The following LPCAT3 variants were observed in gnomAD, a reference collection of about 807,000 sequenced individuals.
LPCAT3 encodes lysophospholipid acyltransferase 5.
Under a neutral mutation model 63.4 loss-of-function variants are expected in LPCAT3, and 21 were observed. The ratio of observed to expected loss-of-function variants is 0.33; its 90% CI spans 0.23 to 0.48. The LOEUF (loss-of-function observed/expected upper bound fraction) is 0.48, where lower values mean the gene tolerates loss of function less well. LPCAT3 is among the 20% of genes least tolerant of loss of function. The probability of loss-of-function intolerance (pLI) is 0.99; values close to 1 mark genes in which losing one functional copy is unlikely to be tolerated. For missense variants in LPCAT3, 451 were observed against 590.6 expected (o/e 0.76, Z 2.45); for synonymous variants, 242 against 227.5 (o/e 1.06, Z -0.58).
chr12:7,001,575 CTG>C (rs1262686399), intron 1 of LPCAT3: 5 of 451,282 alleles, frequency 1.1e-5, no homozygotes, highest in Non-Finnish European at 2.2e-5. Context: ...AGGATCCTGG[CTG>C]TGAGGCTGAG....
At chr12:6,986,885 G>A (rs1259214810) in intron 1 of LPCAT3, among the ~76,000 whole-genome samples, 1 of 151,936 alleles carries the variant, frequency 6.6e-6, no homozygotes, top group Non-Finnish European at 1.5e-5. Context: ...AGGCTTAGGC[G>A]GGTGGGTCGC....
At position 6,977,863 on chromosome 12, in the gene LPCAT3, G is replaced by T. The variant is rs1368766463; in HGVS notation, c.1041-118C>A. On this transcript the variant is annotated intron_variant, in intron 9 of 12. Transcript: ENST00000261407. The surrounding 1 kb of genome is among the most constrained non-coding windows in gnomAD (Gnocchi z 4.5). ...GAGTGCTGGTGGGTTCCCACGTGTAGCCCCCAGAGGGTACAGGAGGCAGTG... is the reference window on the plus strand; with the variant it reads ...GAGTGCTGGTGGGTTCCCACGTGTATCCCCCAGAGGGTACAGGAGGCAGTG... 1.7e-6 allele frequency: 2 copies of T among 1,187,866 alleles called. No homozygotes were observed. The highest frequency in any genetic ancestry group is 1.4e-5 in the South Asian group (1 of 73,514). 73.6% of individuals were successfully genotyped at this position (1,187,866 alleles called of 1,614,324 possible).
rs782698373 is a variant in LPCAT3, at chr12:6,977,979, G to A, written c.1041-234C>T. The A allele has an allele frequency of 5.2e-6, 3 of 576,516 alleles. No homozygotes were observed. The highest frequency in any genetic ancestry group is 4.0e-5 in the South Asian group (2 of 49,938). The allele number at this position is 576,516 out of a possible 1,614,324, so 35.7% of individuals were successfully genotyped here. On this transcript the variant is annotated intron_variant, in intron 9 of 12. Coordinates refer to ENST00000261407, the MANE Select transcript of LPCAT3 (RefSeq NM_005768.6). This position sits in a 1 kb window ranked among gnomAD's most constrained non-coding sequence, Gnocchi z 4.5. ...GCCACTTGGTTCAGCAGCAGTGACTGAGGCTGATGCTGAGATCAGTGGTGA... is the reference window on the plus strand; with the variant it reads ...GCCACTTGGTTCAGCAGCAGTGACTAAGGCTGATGCTGAGATCAGTGGTGA...
chr12:7,018,181 G>A lies in LPCAT3; in HGVS notation c.151+93C>T. On this transcript the variant is annotated intron_variant, in intron 1 of 12. Coordinates refer to ENST00000261407, the MANE Select transcript of LPCAT3 (RefSeq NM_005768.6). This position sits in a 1 kb window ranked among gnomAD's most constrained non-coding sequence, Gnocchi z 4.9. ...CCCGCACCCGGCACAGCCCTCCCGGGTGGCTCCGGGAAGAGAGGGAGGTCC... is the reference window on the plus strand; with the variant it reads ...CCCGCACCCGGCACAGCCCTCCCGGATGGCTCCGGGAAGAGAGGGAGGTCC... The A allele has an allele frequency of 6.9e-7, 1 of 1,449,712 alleles. No individual in the cohort carries two copies. The highest frequency in any genetic ancestry group is 2.0e-5 in the Admixed American group (1 of 50,076). The allele number at this position is 1,449,712 out of a possible 1,614,324, so 89.8% of individuals were successfully genotyped here.
chr12:6,978,293 A>G (rs1591711291), intron 9 of LPCAT3, 48 bp downstream of exon 9: 5 of 1,564,624 alleles, frequency 3.2e-6, no homozygotes, highest in Non-Finnish European at 4.3e-6. Context: ...ATCTGGGAAG[A>G]CAGTGGAAGG....
chr12:7,003,811 A>G (rs58740942), intron 1 of LPCAT3, among the ~76,000 whole-genome samples: 9,915 of 151,066 alleles, frequency 0.066, 414 homozygotes, highest in African/African-American at 0.095. Flanking sequence ...AGTCCCAGCT[A>G]CTTGGGAGGC....
At position 7,000,873 on chromosome 12, in the gene LPCAT3, A is replaced by AT. The variant is rs797037186; in HGVS notation, c.152-17335dup. On this transcript the variant is annotated intron_variant, in intron 1 of 12. Transcript: ENST00000261407. Reference sequence around the variant, plus strand: ...AGGTGCCCGCCACCACGCCTGGCTAATTTTTTTGTATTTTTAGTGGAGACG... The same window carrying AT: ...AGGTGCCCGCCACCACGCCTGGCTAATTTTTTTTGTATTTTTAGTGGAGACG... Among the ~76,000 whole-genome samples, 7 of 151,580 alleles carry AT rather than the reference A, an allele frequency of 4.6e-5. No individual in the cohort carries two copies. In the East Asian group the frequency reaches 7.9e-4, roughly 17 times the overall value.
At chr12:6,978,131 C>T (rs1946430072) in intron 9 of LPCAT3, 3 of 607,794 alleles carry the variant, frequency 4.9e-6, no homozygotes, top group Non-Finnish European at 8.4e-6. Context: ...GGTCTTAACG[C>T]ACTTTTATAT....
Position 7,007,554 on chromosome 12 carries a change from GT to G in LPCAT3, c.151+10719del, listed in dbSNP as rs781982048. ...CTGTCCCCCAGGCTGGAGTGCAATGGTACGATCTCGGCTCACTGCAACCTCC... is the reference window on the plus strand; with the variant it reads ...CTGTCCCCCAGGCTGGAGTGCAATGGACGATCTCGGCTCACTGCAACCTCC... On this transcript the variant is annotated intron_variant, in intron 1 of 12. Coordinates refer to ENST00000261407, the MANE Select transcript of LPCAT3 (RefSeq NM_005768.6). Among the ~76,000 whole-genome samples, 48 of 146,920 alleles carry G rather than the reference GT, an allele frequency of 3.3e-4. No individual in the cohort carries two copies. In the East Asian group the frequency reaches 5.0e-3, roughly 15 times the overall value.
chr12:6,982,209 G>C (rs965192662), intron 3 of LPCAT3, among the ~76,000 whole-genome samples: 1 of 152,038 alleles, frequency 6.6e-6, no homozygotes, highest in Non-Finnish European at 1.5e-5. Flanking sequence ...GCTAATTTTT[G>C]TATTTTTTTT....
At chr12:7,005,601 T>C (rs1348434238) in intron 1 of LPCAT3, among the ~76,000 whole-genome samples, 1 of 152,216 alleles carries the variant, frequency 6.6e-6, no homozygotes, top group Non-Finnish European at 1.5e-5. Context: ...CCAACATCTG[T>C]TTGTGTGTTT....
At position 7,002,806 on chromosome 12, in the gene LPCAT3, C is replaced by T. The variant is rs781974951; in HGVS notation, c.151+15468G>A. The stretch of plus-strand genomic sequence containing the variant: ...TGGGTGGATCACAAGGTCAGGAGTT[C>T]AAGACCAGCCTGGCCAACATGGTGA... On this transcript the variant is annotated intron_variant, in intron 1 of 12. Coordinates refer to ENST00000261407, the MANE Select transcript of LPCAT3 (RefSeq NM_005768.6). Among the ~76,000 whole-genome samples the T allele has an allele frequency of 4.6e-5, 7 of 152,192 alleles. No homozygotes were observed. In the South Asian group the frequency reaches 1.4e-3, roughly 32 times the overall value.
chr12:6,989,417 C>G (rs1946565751), intron 1 of LPCAT3, among the ~76,000 whole-genome samples: 1 of 150,560 alleles, frequency 6.6e-6, no homozygotes, highest in African/African-American at 2.5e-5. Flanking sequence ...TCACGCCATT[C>G]TCCTGCCTCA....
intron 3 of LPCAT3, among the ~76,000 whole-genome samples, chr12:6,982,190 G>C (rs1482716519): frequency 6.6e-6 from 1 of 152,056 alleles, no homozygotes; most frequent in African/African-American, 2.4e-5. Flanking sequence ...ATGTTGCCCA[G>C]GCTGGAGGGC....
chr12:7,004,648 C>A (rs1946713843), intron 1 of LPCAT3, among the ~76,000 whole-genome samples: 1 of 152,228 alleles, frequency 6.6e-6, no homozygotes, highest in African/African-American at 2.4e-5. Context: ...TACACACATA[C>A]CCAGGGTCAT....
chr12:7,003,482 A>T (rs1291529243), intron 1 of LPCAT3, among the ~76,000 whole-genome samples: 2 of 151,916 alleles, frequency 1.3e-5, no homozygotes, highest in East Asian at 3.9e-4. Context: ...ATTTTATTTT[A>T]GTAGAGACTG....
chr12:7,015,579 T>C (rs1255039015), intron 1 of LPCAT3, among the ~76,000 whole-genome samples: 4 of 152,190 alleles, frequency 2.6e-5, no homozygotes, highest in African/African-American at 9.7e-5. Context: ...AAACTGTGCC[T>C]ACTAGGAATA....
intron 1 of LPCAT3, among the ~76,000 whole-genome samples, chr12:6,999,350 A>G (rs782025758): frequency 6.6e-6 from 1 of 152,328 alleles, no homozygotes; most frequent in East Asian, 1.9e-4. Context: ...GAGGAACAAT[A>G]GAGGGGACAT....
chr12:7,014,416 C>T (rs1384789753), intron 1 of LPCAT3, among the ~76,000 whole-genome samples: 15 of 152,138 alleles, frequency 9.9e-5, no homozygotes, highest in Admixed American at 9.2e-4. Flanking sequence ...TAGTATTTGC[C>T]AGCACCAGGG....
Sources: gnomAD v4.1 joint callset for allele counts (sites outside exome capture counted in the v4.1 genomes callset) on GRCh38, gnomAD v4.1.1 for gene constraint, Gnocchi (gnomAD v3.1) non-coding constraint, MANE v1.5 for transcripts, NCBI Gene and HGNC (gene_info 2026-07-23, HGNC 2026-07-21) for gene names.